CTXND1: variants seen among roughly 807,000 people sequenced by gnomAD.
CTXND1 encodes cortexin domain containing 1, also known as cortexin domain-containing 1 protein.
intron 1 of CTXND1, among the ~76,000 whole-genome samples, chr15:80,211,775 T>C (rs1436863479): frequency 2.0e-5 from 3 of 152,342 alleles, no homozygotes; most frequent in Non-Finnish European, 4.4e-5. Flanking sequence ...TGCATTGTTA[T>C]TACTTCATAA....
At chr15:80,227,850 A>G (rs998132054) in intron 1 of CTXND1, among the ~76,000 whole-genome samples, 13 of 152,204 alleles carry the variant, frequency 8.5e-5, no homozygotes, top group Non-Finnish European at 1.6e-4. Context: ...AATGTCTTCA[A>G]ATAAGATGAT....
chr15:80,251,944 T>C (rs1016250490), intron 1 of CTXND1, 63 bp downstream of exon 1: 1 of 151,708 alleles, frequency 6.6e-6, no homozygotes, highest in Admixed American at 6.6e-5. Context: ...GCACCGACAA[T>C]GCTGTGCTCC....
intron 1 of CTXND1, among the ~76,000 whole-genome samples, chr15:80,205,871 T>C (rs1316895861): frequency 6.6e-6 from 1 of 152,158 alleles, no homozygotes; most frequent in Admixed American, 6.5e-5. Context: ...ACTGGCTTTC[T>C]GTACAGTGAG....
At chr15:80,203,553 T>A (rs1239330898) in intron 2 of CTXND1, 36 bp downstream of exon 2, 1 of 152,064 alleles carries the variant, frequency 6.6e-6, no homozygotes, top group Non-Finnish European at 1.5e-5. Context: ...CTCTTAGACC[T>A]TGTCTCAGCC....
chr15:80,233,406 C>T (rs761678719), intron 1 of CTXND1, among the ~76,000 whole-genome samples: 21 of 152,166 alleles, frequency 1.4e-4, no homozygotes, highest in Non-Finnish European at 2.4e-4. Context: ...TATTAGCTGT[C>T]ATTCTTACTT....
chr15:80,204,986 C>T (rs780371520), intron 1 of CTXND1, among the ~76,000 whole-genome samples: 3 of 152,204 alleles, frequency 2.0e-5, no homozygotes, highest in Non-Finnish European at 4.4e-5. Flanking sequence ...TAGTTCATCT[C>T]CAGAGAGGAA....
In CTXND1 at chr15:80,195,691, C is replaced by T. The variant is rs2041416814; in HGVS notation, c.*6079G>A. ...TGCATTAATCCATTCACTCCGCCCT[C>T]ATGGCCTAATCACCTCTCATTGGGC... On this transcript the variant is annotated 3_prime_UTR_variant, in exon 3 of 3. Coordinates refer to ENST00000560778, the MANE Select transcript of CTXND1 (RefSeq NM_001352888.2). The T allele has an allele frequency of 6.6e-6, 1 of 152,212 alleles. No homozygotes were observed. The highest frequency in any genetic ancestry group is 6.5e-5 in the Admixed American group (1 of 15,292). 9.4% of individuals were successfully genotyped at this position (152,212 alleles called of 1,614,324 possible). A position where few individuals can be genotyped will look rare whatever the true frequency, so the allele number is the denominator to read the frequency against.
intron 1 of CTXND1, among the ~76,000 whole-genome samples, chr15:80,232,179 T>C (rs555128809): frequency 5.9e-5 from 9 of 151,570 alleles, no homozygotes; most frequent in African/African-American, 1.9e-4. Flanking sequence ...ATGAGGAGAG[T>C]TGTGAACCAG....
chr15:80,226,379 TA>T (rs200210843), intron 1 of CTXND1, among the ~76,000 whole-genome samples: 1 of 146,886 alleles, frequency 6.8e-6, no homozygotes, highest in Non-Finnish European at 1.5e-5. Context: ...CCAATGAAGG[TA>T]AAAAAAAATT....
intron 1 of CTXND1, among the ~76,000 whole-genome samples, chr15:80,245,486 T>C (rs1210764999): frequency 6.6e-6 from 1 of 152,148 alleles, no homozygotes; most frequent in Non-Finnish European, 1.5e-5. Flanking sequence ...TGGCTCCTGA[T>C]ATGGCGGCCC....
chr15:80,226,613 C>T (rs1195761584), intron 1 of CTXND1, among the ~76,000 whole-genome samples: 5 of 152,160 alleles, frequency 3.3e-5, no homozygotes, highest in African/African-American at 1.2e-4. Flanking sequence ...TCCCCAACTC[C>T]CCCACAGCTG....
At chr15:80,251,831 C>T (rs1324592277) in intron 1 of CTXND1, among the ~76,000 whole-genome samples, 176 bp downstream of exon 1, 2 of 152,022 alleles carry the variant, frequency 1.3e-5, no homozygotes, top group Non-Finnish European at 2.9e-5. Context: ...GGGGATCGGT[C>T]CCAGTGTCCA....
intron 1 of CTXND1, among the ~76,000 whole-genome samples, chr15:80,239,276 G>A (rs146047760): frequency 4.9e-4 from 74 of 152,236 alleles, no homozygotes; most frequent in African/African-American, 1.7e-3. Context: ...ATGCCCTCTG[G>A]TTACCACCCA....
chr15:80,207,584 G>A (rs1040501889), intron 1 of CTXND1, among the ~76,000 whole-genome samples: 17 of 152,034 alleles, frequency 1.1e-4, no homozygotes, highest in African/African-American at 3.6e-4. Context: ...TTTTCTTTTG[G>A]TTCAGTTTCT....
At chr15:80,242,852 A>C (rs1032069747) in intron 1 of CTXND1, among the ~76,000 whole-genome samples, 1 of 152,076 alleles carries the variant, frequency 6.6e-6, no homozygotes, top group African/African-American at 2.4e-5. Flanking sequence ...TATGGCTCAG[A>C]CCCAGCCAGC....
intron 1 of CTXND1, among the ~76,000 whole-genome samples, chr15:80,217,531 T>TA (rs1158013990): frequency 6.7e-6 from 1 of 148,738 alleles, no homozygotes; most frequent in East Asian, 2.0e-4. Flanking sequence ...CTTATTTATT[T>TA]ATTTATTTAT....
chr15:80,220,557 A>C (rs1893303901), intron 1 of CTXND1, among the ~76,000 whole-genome samples: 1 of 152,180 alleles, frequency 6.6e-6, no homozygotes, highest in Non-Finnish European at 1.5e-5. Context: ...TATTAGGATC[A>C]CCTTGTTGAG....
At chr15:80,245,642 G>C (rs1442170565) in intron 1 of CTXND1, among the ~76,000 whole-genome samples, 4 of 152,160 alleles carry the variant, frequency 2.6e-5, no homozygotes, top group Non-Finnish European at 4.4e-5. Context: ...CAAGGACAGG[G>C]GGCATGGACT....
intron 1 of CTXND1, among the ~76,000 whole-genome samples, chr15:80,219,098 A>ATTT (rs201058816): frequency 1.4e-5 from 2 of 138,198 alleles, no homozygotes. Flanking sequence ...CTCCCAGCTA[A>ATTT]TTTTTTTTTT....
Sources: allele counts gnomAD v4.1 joint callset (sites outside exome capture counted in the v4.1 genomes callset), GRCh38; gene constraint gnomAD v4.1.1; transcripts MANE v1.5; gene names NCBI Gene and HGNC (gene_info 2026-07-23, HGNC 2026-07-21).